CCBE1: variants seen among roughly 807,000 people sequenced by gnomAD.
The protein encoded by CCBE1 is collagen and calcium binding EGF domains 1, also known as collagen and calcium-binding EGF domain-containing protein 1.
Under a neutral mutation model 50.0 loss-of-function variants are expected in CCBE1, and 37 were observed. The ratio of observed to expected loss-of-function variants is 0.74; its 90% CI spans 0.57 to 0.97. The LOEUF is 0.97. Among genes scored for constraint, CCBE1 ranks in the 50% least tolerant of loss-of-function variants. The pLI is 0.00. For missense variants in CCBE1, 538 were observed against 523.8 expected, an observed-to-expected ratio of 1.03 and a Z score of -0.26; for synonymous variants, 234 against 203.7, an observed-to-expected ratio of 1.15 and a Z score of -1.27.
chr18:59,546,590 C>T (rs1317739621), intron 2 of CCBE1, among the ~76,000 whole-genome samples: 1 of 152,182 alleles, frequency 6.6e-6, no homozygotes. Context: ...GTTTGTTCAA[C>T]AGCAATAGAT....
chr18:59,438,015 G>C (rs991970147), intron 10 of CCBE1, 96 bp downstream of exon 10: 3 of 1,177,530 alleles, frequency 2.5e-6, no homozygotes, highest in Non-Finnish European at 3.8e-6. Context: ...CATCAGGAAG[G>C]GGCGGGCTTT....
chr18:59,676,400 TGCC>T (rs1334330767), intron 2 of CCBE1, among the ~76,000 whole-genome samples: 1 of 152,250 alleles, frequency 6.6e-6, no homozygotes, highest in Non-Finnish European at 1.5e-5. Flanking sequence ...TTAGCCTCAA[TGCC>T]AGCTCTATTT....
At chr18:59,553,950 T>C (rs1916019045) in intron 2 of CCBE1, among the ~76,000 whole-genome samples, 1 of 152,216 alleles carries the variant, frequency 6.6e-6, no homozygotes, top group Non-Finnish European at 1.5e-5. Context: ...GGACATAACA[T>C]CTGGAAGACA....
At chr18:59,477,540 G>C (rs11660189) in intron 3 of CCBE1, among the ~76,000 whole-genome samples, 575 of 14,136 alleles carry the variant, frequency 0.041, 1 homozygote, top group African/African-American at 0.14. Context: ...CCATGTCTCT[G>C]TGTGTGTGTG....
chr18:59,443,599 T>G (rs923062439), intron 7 of CCBE1, among the ~76,000 whole-genome samples: 5 of 151,246 alleles, frequency 3.3e-5, no homozygotes, highest in South Asian at 2.1e-4. Context: ...CCCAAGTAGA[T>G]GGGATTACAG....
At chr18:59,654,696 G>A (rs2054163779) in intron 2 of CCBE1, among the ~76,000 whole-genome samples, 1 of 151,002 alleles carries the variant, frequency 6.6e-6, no homozygotes, top group Non-Finnish European at 1.5e-5. Context: ...GGAGGCTGAG[G>A]CAGAAGAATT....
intron 2 of CCBE1, among the ~76,000 whole-genome samples, chr18:59,649,028 A>T (rs1262027567): frequency 6.6e-6 from 1 of 152,216 alleles, no homozygotes; most frequent in Non-Finnish European, 1.5e-5. Flanking sequence ...AAACACAGGG[A>T]AAGGGGGAGA....
At chr18:59,549,530 G>A (rs1394781426) in intron 2 of CCBE1, among the ~76,000 whole-genome samples, 1 of 152,170 alleles carries the variant, frequency 6.6e-6, no homozygotes, top group African/African-American at 2.4e-5. Context: ...GCTCAGGAAG[G>A]TAACCTCTGT....
At chr18:59,592,800 A>G (rs2053291255) in intron 2 of CCBE1, among the ~76,000 whole-genome samples, 1 of 152,200 alleles carries the variant, frequency 6.6e-6, no homozygotes, top group East Asian at 1.9e-4. Flanking sequence ...ATGTGCTCAA[A>G]TATCACCTGC....
At chr18:59,509,993 A>C (rs1242225596) in intron 2 of CCBE1, among the ~76,000 whole-genome samples, 1 of 152,172 alleles carries the variant, frequency 6.6e-6, no homozygotes, top group South Asian at 2.1e-4. Flanking sequence ...GAAGCCAGCC[A>C]AAAAAACATC....
At chr18:59,454,786 C>A in intron 6 of CCBE1, 65 bp downstream of exon 6, 1 of 1,266,916 alleles carries the variant, frequency 7.9e-7, no homozygotes, top group Non-Finnish European at 1.2e-6. Flanking sequence ...AAATATCCTT[C>A]CACCTGGCCT....
intron 2 of CCBE1, chr18:59,568,391 C>T (rs1167805176): frequency 1.3e-5 from 2 of 152,198 alleles, no homozygotes; most frequent in African/African-American, 2.4e-5. Flanking sequence ...TATTACTTCT[C>T]CCCAAGACTT....
intron 2 of CCBE1, among the ~76,000 whole-genome samples, chr18:59,520,270 G>A (rs1288258102): frequency 1.3e-5 from 2 of 152,122 alleles, no homozygotes; most frequent in Non-Finnish European, 2.9e-5. Flanking sequence ...TGGGCAATAT[G>A]GCCATTTTCA....
Position 59,569,486 on chromosome 18 carries a change from C to A in CCBE1, c.213-89248G>T, listed in dbSNP as rs566292441. Among the ~76,000 whole-genome samples, 6 of 152,252 alleles carry A rather than the reference C, an allele frequency of 3.9e-5. No homozygotes were observed. In the South Asian group the frequency reaches 1.2e-3, roughly 32 times the overall value. ...AAGCCAGATACAAACTCCCAATTTACAGATAAGAAAACAGAATGTCAAAGA... is the reference window on the plus strand; with the variant it reads ...AAGCCAGATACAAACTCCCAATTTAAAGATAAGAAAACAGAATGTCAAAGA... On this transcript the variant is annotated intron_variant, in intron 2 of 10. Transcript: ENST00000439986.
chr18:59,655,522 T>C (rs2054177925), intron 2 of CCBE1, among the ~76,000 whole-genome samples: 1 of 152,202 alleles, frequency 6.6e-6, no homozygotes, highest in Non-Finnish European at 1.5e-5. Context: ...CATATGGAGA[T>C]CCTTTGGGCT....
chr18:59,681,465 G>A (rs952556219), intron 2 of CCBE1, among the ~76,000 whole-genome samples: 15 of 152,210 alleles, frequency 9.9e-5, no homozygotes, highest in African/African-American at 3.4e-4. Flanking sequence ...TCTGCCCAAA[G>A]GCAACTCAAT....
intron 2 of CCBE1, among the ~76,000 whole-genome samples, chr18:59,569,891 A>G (rs2052885562): frequency 6.6e-6 from 1 of 152,182 alleles, no homozygotes; most frequent in Non-Finnish European, 1.5e-5. Flanking sequence ...TGGGCCTCCC[A>G]AAACACTGGG....
At chr18:59,450,053 C>T (rs545570396) in intron 6 of CCBE1, among the ~76,000 whole-genome samples, 3 of 152,070 alleles carry the variant, frequency 2.0e-5, no homozygotes, top group Non-Finnish European at 2.9e-5. Flanking sequence ...ACACAGCAGA[C>T]GATGGGCTGT....
At chr18:59,565,183 G>A (rs2052802678) in intron 2 of CCBE1, among the ~76,000 whole-genome samples, 1 of 147,814 alleles carries the variant, frequency 6.8e-6, no homozygotes, top group Non-Finnish European at 1.5e-5. Flanking sequence ...TTAACTCTGA[G>A]TGTCAAAAAT....
Sources: gnomAD v4.1 joint callset for allele counts (sites outside exome capture counted in the v4.1 genomes callset) on GRCh38, gnomAD v4.1.1 for gene constraint, MANE v1.5 for transcripts, NCBI Gene and HGNC (gene_info 2026-07-23, HGNC 2026-07-21) for gene names.